PRKCA: variants seen among roughly 807,000 people sequenced by gnomAD.
PRKCA encodes protein kinase C alpha type.
A neutral mutation model predicts 87.0 loss-of-function variants in PRKCA; 27 were observed. The ratio of observed to expected loss-of-function variants is 0.31; its 90% CI spans 0.23 to 0.43. The LOEUF (loss-of-function observed/expected upper bound fraction) is 0.43. Ranked by LOEUF, PRKCA falls within the 20% of genes least tolerant of loss-of-function variation. PRKCA has a pLI of 1.00. For synonymous variants in PRKCA, 329 were observed against 311.1 expected (o/e 1.06, Z -0.61); for missense variants, 518 against 852.3 (o/e 0.61, Z 4.88).
Position 66,618,714 on chromosome 17 carries a change from C to T in PRKCA, c.289-22641C>T, listed in dbSNP as rs544897544. Reference sequence around the variant, plus strand: ...AAAGGCTGTGTGACTCAAGCGATTTCGTATTCTGGGAAATGTTCAAATTCT... The same window carrying T: ...AAAGGCTGTGTGACTCAAGCGATTTTGTATTCTGGGAAATGTTCAAATTCT... On this transcript the variant is annotated intron_variant, in intron 3 of 16. Coordinates refer to ENST00000413366, the MANE Select transcript of PRKCA (RefSeq NM_002737.3). Among the ~76,000 whole-genome samples the T allele has an allele frequency of 3.1e-4, 47 of 152,230 alleles. 1 individual carries two copies. The highest frequency in any genetic ancestry group is 1.9e-4 in the East Asian group (1 of 5,178).
chr17:66,685,505 C>T (rs1905449624), intron 5 of PRKCA, among the ~76,000 whole-genome samples: 2 of 152,150 alleles, frequency 1.3e-5, no homozygotes, highest in South Asian at 4.2e-4. Context: ...TTCTCTGTGG[C>T]TAGCAGACCT....
At chr17:66,619,318 G>A (rs1048314359) in intron 3 of PRKCA, among the ~76,000 whole-genome samples, 2 of 152,182 alleles carry the variant, frequency 1.3e-5, no homozygotes, top group African/African-American at 4.8e-5. Flanking sequence ...CTGTGACTCT[G>A]GCAGGTGTCA....
chr17:66,706,753 A>G (rs1973203453), intron 8 of PRKCA, among the ~76,000 whole-genome samples: 1 of 152,120 alleles, frequency 6.6e-6, no homozygotes, highest in Non-Finnish European at 1.5e-5. Flanking sequence ...ATAGATTTTT[A>G]TTAACACAAC....
At chr17:66,587,811 GTATATGTATACATATATACGTATA>G (rs1567917065) in intron 3 of PRKCA, among the ~76,000 whole-genome samples, 5,148 of 133,742 alleles carry the variant, frequency 0.038, 521 homozygotes, top group Non-Finnish European at 0.055. Context: ...ATATGTGTGT[GTATATGTATACATATATACGTATA>G]TGTGTGTATC....
At chr17:66,405,017 T>C (rs1911280603) in intron 2 of PRKCA, among the ~76,000 whole-genome samples, 2 of 152,230 alleles carry the variant, frequency 1.3e-5, no homozygotes, top group South Asian at 4.2e-4. Flanking sequence ...CCCAAAGTGC[T>C]GGGATTACAG....
At chr17:66,644,350 G>A (rs1971395516) in intron 4 of PRKCA, among the ~76,000 whole-genome samples, 1 of 152,198 alleles carries the variant, frequency 6.6e-6, no homozygotes, top group South Asian at 2.1e-4. Context: ...CCACCTTGAT[G>A]ATTACAGAAT....
intron 3 of PRKCA, among the ~76,000 whole-genome samples, chr17:66,617,302 T>C (rs144628599): frequency 9.7e-4 from 148 of 152,278 alleles, no homozygotes; most frequent in African/African-American, 3.5e-3. Context: ...AGGAGCTTTT[T>C]CCCATCCTGG....
rs1973550689 is a variant in PRKCA at position 66,719,138 on chromosome 17, A to C, written c.919-13550A>C. 2.0e-5 allele frequency among the ~76,000 whole-genome samples: 3 copies of C among 152,204 alleles called. No individual in the cohort carries two copies. In the South Asian group the frequency reaches 6.2e-4, roughly 31 times the overall value. On this transcript the variant is annotated intron_variant, in intron 8 of 16. Coordinates refer to ENST00000413366, the MANE Select transcript of PRKCA (RefSeq NM_002737.3). Reference sequence around the variant, plus strand: ...GGACTTCAAGGATGCACACATATTTAGACCACAAAATTGTTCATCTGCATG... The same window carrying C: ...GGACTTCAAGGATGCACACATATTTCGACCACAAAATTGTTCATCTGCATG...
intron 5 of PRKCA, among the ~76,000 whole-genome samples, chr17:66,648,423 T>C (rs915345945): frequency 6.6e-6 from 1 of 152,306 alleles, no homozygotes; most frequent in African/African-American, 2.4e-5. Flanking sequence ...TTATTATCCT[T>C]ACGTTATAGA....
intron 8 of PRKCA, among the ~76,000 whole-genome samples, chr17:66,732,129 CAA>C (rs200958703): frequency 2.9e-4 from 36 of 125,268 alleles, no homozygotes; most frequent in African/African-American, 9.6e-4. Flanking sequence ...AAAAAAAAAT[CAA>C]AAAAAAAAAA....
chr17:66,692,655 C>A (rs551488936), intron 8 of PRKCA, among the ~76,000 whole-genome samples: 2 of 152,154 alleles, frequency 1.3e-5, no homozygotes, highest in African/African-American at 4.8e-5. Flanking sequence ...TCCTCCTTTT[C>A]GGTCTGTAGC....
intron 2 of PRKCA, among the ~76,000 whole-genome samples, chr17:66,353,838 GCAAACAGGTAT>G (rs1053532416): frequency 7.9e-5 from 12 of 152,220 alleles, no homozygotes; most frequent in Non-Finnish European, 1.3e-4. Flanking sequence ...CTGGTGGGCT[GCAAACAGGTAT>G]CTTGCTTCAG....
intron 8 of PRKCA, among the ~76,000 whole-genome samples, chr17:66,716,427 G>A (rs1973474271): frequency 6.6e-6 from 1 of 152,186 alleles, no homozygotes; most frequent in Admixed American, 6.5e-5. Context: ...CCGGGCATCA[G>A]ACGCAAGTGT....
chr17:66,515,149 G>C (rs961190589), intron 3 of PRKCA, among the ~76,000 whole-genome samples: 1 of 151,864 alleles, frequency 6.6e-6, no homozygotes, highest in African/African-American at 2.4e-5. Context: ...CCAGCTACTC[G>C]GGAGGCTGAA....
intron 3 of PRKCA, among the ~76,000 whole-genome samples, chr17:66,554,239 GAAA>G (rs11290369): frequency 2.8e-4 from 39 of 138,786 alleles, no homozygotes; most frequent in African/African-American, 9.1e-4. Flanking sequence ...CCGTCTCTAT[GAAA>G]AAAAAAAAAA....
intron 2 of PRKCA, among the ~76,000 whole-genome samples, chr17:66,396,246 T>G (rs1163805254): frequency 1.3e-5 from 2 of 152,148 alleles, no homozygotes; most frequent in Non-Finnish European, 2.9e-5. Flanking sequence ...TAGAGTCAGT[T>G]TATGAAGGAA....
chr17:66,768,617 G>C (rs1381929412), intron 13 of PRKCA, among the ~76,000 whole-genome samples: 1 of 152,204 alleles, frequency 6.6e-6, no homozygotes, highest in Non-Finnish European at 1.5e-5. Context: ...CAGAGGGGAA[G>C]TAAGCATGTC....
intron 2 of PRKCA, among the ~76,000 whole-genome samples, chr17:66,324,276 C>G (rs149471794): frequency 2.2e-3 from 330 of 152,068 alleles, no homozygotes; most frequent in Middle Eastern, 0.01. Context: ...ATAAATATGA[C>G]TTAGATACAC....
intron 3 of PRKCA, among the ~76,000 whole-genome samples, chr17:66,554,877 A>ATTCTTTTTTTT (rs1968448406): frequency 5.9e-5 from 7 of 118,614 alleles, no homozygotes; most frequent in Admixed American, 1.8e-4. Context: ...TAGATTGTAA[A>ATTCTTTTTTTT]TTCTTTTTTT....
Sources: allele counts gnomAD v4.1 joint callset (sites outside exome capture counted in the v4.1 genomes callset), GRCh38; gene constraint gnomAD v4.1.1; transcripts MANE v1.5; gene names NCBI Gene and HGNC (gene_info 2026-07-23, HGNC 2026-07-21).